Variants in PTPRE observed in about 807,000 individuals in gnomAD.
PTPRE encodes the protein protein tyrosine phosphatase receptor type E, also known as receptor-type tyrosine-protein phosphatase epsilon.
A neutral mutation model predicts 102.0 loss-of-function variants in PTPRE; 51 were observed. The observed-to-expected ratio is 0.50, with a 90% CI of 0.40 to 0.63. PTPRE has a LOEUF of 0.63. PTPRE is among the 30% of genes least tolerant of loss of function. The probability of loss-of-function intolerance (pLI) is 0.00; values close to 1 mark genes in which losing one functional copy is unlikely to be tolerated. For missense variants in PTPRE, 752 were observed against 915.1 expected (o/e 0.82, Z 2.30); for synonymous variants, 345 against 348.2 (o/e 0.99, Z 0.10).
At chr10:127,979,286 C>T (rs1851427744) in intron 1 of PTPRE, among the ~76,000 whole-genome samples, 1 of 152,198 alleles carries the variant, frequency 6.6e-6, no homozygotes, top group Admixed American at 6.5e-5. Context: ...AAACCAACCT[C>T]CCCAACCCCC....
At chr10:127,913,168 C>A (rs1025344051) in intron 1 of PTPRE, among the ~76,000 whole-genome samples, 13 of 152,210 alleles carry the variant, frequency 8.5e-5, no homozygotes, top group Admixed American at 8.5e-4. Flanking sequence ...ACGCAGAGGC[C>A]TGGCCCCATG....
chr10:128,076,360 T>G (rs1851206403), intron 17 of PTPRE, among the ~76,000 whole-genome samples: 1 of 152,146 alleles, frequency 6.6e-6, no homozygotes, highest in African/African-American at 2.4e-5. Context: ...CCCCACATAT[T>G]GAAGAATCTC....
At chr10:128,050,157 T>A (rs1848436799) in intron 6 of PTPRE, among the ~76,000 whole-genome samples, 1 of 137,872 alleles carries the variant, frequency 7.3e-6, no homozygotes, top group African/African-American at 2.7e-5. Context: ...ACTAGCTATA[T>A]CTGCTTGTGT....
chr10:127,987,410 A>C, intron 2 of PTPRE: 3 of 1,192,522 alleles, frequency 2.5e-6, no homozygotes, highest in Non-Finnish European at 3.3e-6. Context: ...CGGGGAGCTC[A>C]GAGGGGTCTT....
intron 19 of PTPRE, among the ~76,000 whole-genome samples, chr10:128,078,253 G>A (rs1851400949): frequency 6.6e-6 from 1 of 152,212 alleles, no homozygotes; most frequent in Non-Finnish European, 1.5e-5. Context: ...TGGTCCTGCA[G>A]CCTCAGCCTG....
intron 1 of PTPRE, among the ~76,000 whole-genome samples, chr10:127,977,641 C>T (rs1564843389): frequency 6.6e-6 from 1 of 152,222 alleles, no homozygotes; most frequent in Non-Finnish European, 1.5e-5. Flanking sequence ...TTCCGAGGGA[C>T]TGATTCTAAA....
intron 1 of PTPRE, among the ~76,000 whole-genome samples, chr10:127,927,678 C>T (rs1330448781): frequency 6.6e-6 from 1 of 152,144 alleles, no homozygotes; most frequent in Non-Finnish European, 1.5e-5. Flanking sequence ...TTTGTGCCAC[C>T]TTCTGGAATT....
rs1209293288 is a variant in PTPRE at position 127,944,062 on chromosome 10, G to A, written c.-31+36753G>A. Among the ~76,000 whole-genome samples, 2 of 152,208 alleles carry A rather than the reference G, an allele frequency of 1.3e-5. No homozygotes were observed. Among genetic ancestry groups the A allele is most frequent in the Non-Finnish European group, 2.9e-5 (2 of 68,032 alleles). On this transcript the variant is annotated intron_variant, in intron 1 of 20. Coordinates refer to ENST00000254667, the MANE Select transcript of PTPRE (RefSeq NM_006504.6). This position sits in a 1 kb window ranked among gnomAD's most constrained non-coding sequence, Gnocchi z 4.2. The stretch of plus-strand genomic sequence containing the variant: ...CCTAAGGGCACACAAAGTTGCTCCT[G>A]TCAGGGATGTGAGTCAGCCAATGGC...
chr10:127,969,694 G>GC (rs1456823242), intron 1 of PTPRE, among the ~76,000 whole-genome samples: 2 of 142,144 alleles, frequency 1.4e-5, no homozygotes, highest in Non-Finnish European at 3.1e-5. Context: ...GGGGGCGGGG[G>GC]GATGATGCAG....
chr10:128,028,325 G>A lies in PTPRE; in HGVS notation c.-7-12550G>A, dbSNP rs1846436650. 6.6e-6 allele frequency among the ~76,000 whole-genome samples: 1 copy of A among 152,096 alleles called. No homozygotes were observed. Among genetic ancestry groups the A allele is most frequent in the Non-Finnish European group, 1.5e-5 (1 of 68,006 alleles). ...GTGGCCTCACTCCTGGCAGGCAGAAGGGACTCGGGTCACACACAGCCACAC... is the reference window on the plus strand; with the variant it reads ...GTGGCCTCACTCCTGGCAGGCAGAAAGGACTCGGGTCACACACAGCCACAC... On this transcript the variant is annotated intron_variant, in intron 2 of 20. Transcript: ENST00000254667. This position sits in a 1 kb window ranked among gnomAD's most constrained non-coding sequence, Gnocchi z 4.5.
At chr10:127,977,357 A>G (rs1255966696) in intron 1 of PTPRE, among the ~76,000 whole-genome samples, 6 of 152,234 alleles carry the variant, frequency 3.9e-5, no homozygotes, top group Non-Finnish European at 5.9e-5. Context: ...CATTTTAGAT[A>G]TACTCATAGA....
In PTPRE at chr10:128,066,080, G is replaced by A. The variant is rs951681556; in HGVS notation, c.729G>A (p.Lys243=). 1.2e-6 allele frequency: 2 copies of A among 1,614,110 alleles called. No individual in the cohort carries two copies. Among genetic ancestry groups the A allele is most frequent in the Non-Finnish European group, 1.7e-6 (2 of 1,180,040 alleles). The change falls in exon 11 of 21, where the codon AAG becomes AAA. Residue 243 remains lysine (K), a synonymous_variant. Transcript: ENST00000254667. ...TATTAAATTGTTCCGTGCAGGAAAA[G>A]TGCCATCAGTACTGGCCCGACCAAG... The part of the protein sequence containing the change: ...LTNLKERKEE[K]CHQYWPDQGC...
chr10:127,998,285 C>T lies in PTPRE; in HGVS notation c.-8+15989C>T, dbSNP rs562270587. 5.9e-5 allele frequency: 9 copies of T among 152,274 alleles called. No homozygotes were observed. The East Asian group carries it at 7.7e-4, about 13-fold the overall frequency. 9.4% of individuals were successfully genotyped at this position (152,274 alleles called of 1,614,324 possible). On this transcript the variant is annotated intron_variant, in intron 2 of 20. Transcript: ENST00000254667. ...CAACTTAACGTCATCATCGAAGTCA[C>T]CAAAGAAAGCAAAGCAGCGACTGGG...
intron 2 of PTPRE, among the ~76,000 whole-genome samples, chr10:127,993,272 G>A (rs187119678): frequency 3.9e-5 from 6 of 152,346 alleles, no homozygotes; most frequent in East Asian, 1.9e-4. Flanking sequence ...GAAAAGTCAA[G>A]TTCGGAGAAT....
rs527884947 is a variant in PTPRE, at chr10:127,925,756, AC to A, written c.-31+18452del. ...AGGATTGATGGTTGGAGTCTGTGTC[AC>A]CCCCTGACAAATCCTAACTGCTTGG... On this transcript the variant is annotated intron_variant, in intron 1 of 20. Coordinates refer to ENST00000254667, the MANE Select transcript of PTPRE (RefSeq NM_006504.6). 1.6e-3 allele frequency among the ~76,000 whole-genome samples: 249 copies of A among 151,980 alleles called. 3 individuals are homozygous for A. The highest frequency in any genetic ancestry group is 5.7e-3 in the African/African-American group (235 of 41,440).
chr10:128,000,885 AT>A (rs138500063), intron 2 of PTPRE, among the ~76,000 whole-genome samples: 2,150 of 152,254 alleles, frequency 0.014, 62 homozygotes, highest in African/African-American at 0.049. Flanking sequence ...CAGACACCTC[AT>A]GTCTCAGTAG....
chr10:127,987,919 T>C (rs1019186323), intron 2 of PTPRE, among the ~76,000 whole-genome samples: 6 of 152,192 alleles, frequency 3.9e-5, no homozygotes, highest in African/African-American at 7.2e-5. Context: ...TTCAAGGAGC[T>C]TGTCTTCAGG....
chr10:127,941,584 CA>C (rs1446955961), intron 1 of PTPRE, among the ~76,000 whole-genome samples: 1 of 152,240 alleles, frequency 6.6e-6, no homozygotes, highest in African/African-American at 2.4e-5. Flanking sequence ...AAAATATAAA[CA>C]ATGAATGTAA....
chr10:127,911,093 G>A (rs1057481258), intron 1 of PTPRE, among the ~76,000 whole-genome samples: 43 of 151,872 alleles, frequency 2.8e-4, no homozygotes, highest in African/African-American at 9.4e-4. Flanking sequence ...GAAAAAAAAA[G>A]AATCAATGAA....
Sources: allele counts gnomAD v4.1 joint callset (sites outside exome capture counted in the v4.1 genomes callset), GRCh38; gene constraint gnomAD v4.1.1; non-coding constraint Gnocchi (gnomAD v3.1); transcripts MANE v1.5; gene names NCBI Gene and HGNC (gene_info 2026-07-23, HGNC 2026-07-21).